Variants in RBFOX1 observed in about 807,000 individuals in gnomAD.
RBFOX1 encodes RNA binding protein fox-1 homolog 1.
RBFOX1 carries 8 observed loss-of-function variants against 57.7 expected under a neutral mutation model. That is an observed-to-expected ratio of 0.14 (90% CI 0.08 to 0.25). RBFOX1 has a LOEUF of 0.25. RBFOX1 is among the 10% of genes least tolerant of loss of function. The probability of loss-of-function intolerance (pLI) is 1.00; values close to 1 mark genes in which losing one functional copy is unlikely to be tolerated. For synonymous variants in RBFOX1, 326 were observed against 222.4 expected, an observed-to-expected ratio of 1.47 and a Z score of -4.15; for missense variants, 611 against 548.5, an observed-to-expected ratio of 1.11 and a Z score of -1.14.
intron 4 of RBFOX1, among the ~76,000 whole-genome samples, chr16:7,335,964 G>A (rs1255535181): frequency 6.6e-6 from 1 of 152,212 alleles, no homozygotes; most frequent in Non-Finnish European, 1.5e-5. Flanking sequence ...AGAGAGGAAA[G>A]GATAAGAGTA....
intron 3 of RBFOX1, among the ~76,000 whole-genome samples, chr16:6,771,966 C>T (rs956137943): frequency 6.6e-6 from 1 of 152,068 alleles, no homozygotes; most frequent in Non-Finnish European, 1.5e-5. Flanking sequence ...TATATAAGAT[C>T]CTCAAAATAA....
intron 3 of RBFOX1, among the ~76,000 whole-genome samples, chr16:7,005,785 T>C (rs561858783): frequency 6.6e-6 from 1 of 152,190 alleles, no homozygotes; most frequent in African/African-American, 2.4e-5. Flanking sequence ...AATCGCAAGA[T>C]GACCATTCAT....
chr16:5,283,882 T>G (rs1191698607), intron 1 of RBFOX1, among the ~76,000 whole-genome samples: 3 of 151,884 alleles, frequency 2.0e-5, no homozygotes, highest in Non-Finnish European at 2.9e-5. Context: ...TGGGAAGGCA[T>G]GATTGGTTTT....
intron 3 of RBFOX1, among the ~76,000 whole-genome samples, chr16:6,944,628 T>C (rs1286123842): frequency 1.3e-5 from 2 of 151,962 alleles, no homozygotes; most frequent in Non-Finnish European, 2.9e-5. Flanking sequence ...TCTGTCTAGT[T>C]TTTGTGGGGG....
At chr16:6,726,481 T>C (rs1370071419) in intron 3 of RBFOX1, among the ~76,000 whole-genome samples, 3 of 151,666 alleles carry the variant, frequency 2.0e-5, no homozygotes, top group Non-Finnish European at 4.4e-5. Flanking sequence ...CCCAAGTAGG[T>C]GAAGGTGGAA....
Position 7,597,425 on chromosome 16 carries a change from A to G in RBFOX1, c.616A>G (p.Thr206Ala). 1.2e-6 allele frequency: 2 copies of G among 1,607,090 alleles called. No homozygotes were observed. The highest frequency in any genetic ancestry group is 2.2e-5 in the South Asian group (2 of 90,604). ...AAATAAAAAGACCGTCAACCCTTAT[A>G]CAAATGGTAAGTAGAGATTGGCCTT... ...MTNKKTVNPYTNGWKLNPVVG... is the reference protein window; with the variant it reads ...MTNKKTVNPYANGWKLNPVVG... The change falls in exon 9 of 16, where the codon ACA becomes GCA. Residue 206 changes from threonine to alanine, a missense_variant. Thr to Ala is a moderately conservative substitution (Grantham distance 58, BLOSUM62 0). This residue lies in a region of RBFOX1 where 99 missense variants were observed against 160.3 expected (regional missense o/e 0.62). Coordinates refer to ENST00000550418, the MANE Select transcript of RBFOX1 (RefSeq NM_018723.4).
At chr16:6,857,526 T>A (rs777039236) in intron 3 of RBFOX1, among the ~76,000 whole-genome samples, 3 of 152,168 alleles carry the variant, frequency 2.0e-5, no homozygotes, top group Non-Finnish European at 2.9e-5. Context: ...AAAATTACTA[T>A]TTGGTCCTTT....
chr16:6,857,698 C>G (rs968155391), intron 3 of RBFOX1, among the ~76,000 whole-genome samples: 4 of 152,132 alleles, frequency 2.6e-5, no homozygotes, highest in Admixed American at 2.0e-4. Flanking sequence ...CGGAGTGTAT[C>G]AGTTGTTCAT....
At chr16:6,119,955 C>G (rs900775807) in intron 1 of RBFOX1, among the ~76,000 whole-genome samples, 19 of 152,220 alleles carry the variant, frequency 1.2e-4, no homozygotes, top group African/African-American at 4.6e-4. Context: ...TCCTCTGCCC[C>G]AGCCCTTAGC....
At chr16:6,166,025 A>G (rs1258328002) in intron 1 of RBFOX1, among the ~76,000 whole-genome samples, 3 of 152,224 alleles carry the variant, frequency 2.0e-5, no homozygotes, top group Admixed American at 1.3e-4. Flanking sequence ...ATGTACACAT[A>G]CAGTGGAGTG....
At chr16:6,983,600 A>T (rs915668033) in intron 3 of RBFOX1, 5 of 152,198 alleles carry the variant, frequency 3.3e-5, no homozygotes, top group African/African-American at 1.2e-4. Flanking sequence ...AGCATTGGCA[A>T]CATGGCAACT....
chr16:5,674,123 G>C (rs547496410), intron 3 of RBFOX1, among the ~76,000 whole-genome samples: 1 of 152,314 alleles, frequency 6.6e-6, no homozygotes, highest in African/African-American at 2.4e-5. Flanking sequence ...AGACACAGCA[G>C]ATATAAGCCC....
intron 3 of RBFOX1, among the ~76,000 whole-genome samples, chr16:6,729,519 A>C (rs1389089192): frequency 6.6e-6 from 1 of 152,178 alleles, no homozygotes; most frequent in Non-Finnish European, 1.5e-5. Flanking sequence ...CATAGAAACA[A>C]AGAAGATGTT....
At chr16:7,485,308 A>G (rs192228983) in intron 4 of RBFOX1, among the ~76,000 whole-genome samples, 44 of 152,350 alleles carry the variant, frequency 2.9e-4, no homozygotes, top group African/African-American at 7.5e-4. Flanking sequence ...CGCAGTGACT[A>G]TTTAATGCTT....
At chr16:6,278,529 C>A (rs1250805432) in intron 1 of RBFOX1, among the ~76,000 whole-genome samples, 1 of 151,634 alleles carries the variant, frequency 6.6e-6, no homozygotes, top group Non-Finnish European at 1.5e-5. Context: ...AAGTGGGCAC[C>A]CAAAGAAGAA....
chr16:7,214,377 A>G (rs78127132), intron 4 of RBFOX1, among the ~76,000 whole-genome samples: 2,342 of 152,192 alleles, frequency 0.015, 48 homozygotes, highest in African/African-American at 0.054. Context: ...GGGGTGCTCA[A>G]GCTAAACACT....
intron 4 of RBFOX1, among the ~76,000 whole-genome samples, chr16:7,057,393 C>T (rs745571183): frequency 2.6e-5 from 4 of 152,200 alleles, no homozygotes; most frequent in Non-Finnish European, 4.4e-5. Flanking sequence ...TGCTCATCTC[C>T]TGTCTTTGTT....
At chr16:6,843,177 C>T (rs539028973) in intron 3 of RBFOX1, among the ~76,000 whole-genome samples, 1 of 152,030 alleles carries the variant, frequency 6.6e-6, no homozygotes, top group Non-Finnish European at 1.5e-5. Context: ...GCAAAGTTTT[C>T]TATTAGAGTG....
At chr16:5,389,481 G>T (rs986764037) in intron 1 of RBFOX1, among the ~76,000 whole-genome samples, 1 of 152,028 alleles carries the variant, frequency 6.6e-6, no homozygotes, top group African/African-American at 2.4e-5. Flanking sequence ...AATGTCTCCA[G>T]ACATCGCCAA....
Sources: allele counts gnomAD v4.1 joint callset (sites outside exome capture counted in the v4.1 genomes callset), GRCh38; gene constraint gnomAD v4.1.1; regional missense constraint gnomAD v4.1.1; transcripts MANE v1.5; gene names NCBI Gene and HGNC (gene_info 2026-07-23, HGNC 2026-07-21).